Variants in EEPD1 observed in about 807,000 individuals in gnomAD.
The protein encoded by EEPD1 is endonuclease/exonuclease/phosphatase family domain containing 1.
EEPD1 carries 17 observed loss-of-function variants against 46.3 expected under a neutral mutation model. The observed-to-expected ratio is 0.37, with a 90% confidence interval of 0.25 to 0.55. The LOEUF is 0.55. Ranked by LOEUF, EEPD1 falls within the 20% of genes least tolerant of loss-of-function variation. The pLI, the probability that EEPD1 is intolerant of heterozygous loss-of-function variation, is 0.83. For synonymous variants in EEPD1, 313 were observed against 315.6 expected (o/e 0.99, Z 0.09); for missense variants, 673 against 745.6 (o/e 0.90, Z 1.13).
chr7:36,168,148 C>T (rs908309002), intron 2 of EEPD1, among the ~76,000 whole-genome samples: 5 of 152,228 alleles, frequency 3.3e-5, no homozygotes, highest in Admixed American at 3.3e-4. Flanking sequence ...AGGGCAGGAG[C>T]CATGCACATA....
At chr7:36,188,734 T>G (rs1276652855) in intron 2 of EEPD1, among the ~76,000 whole-genome samples, 1 of 152,208 alleles carries the variant, frequency 6.6e-6, no homozygotes, top group Non-Finnish European at 1.5e-5. Flanking sequence ...CCTAGTCATC[T>G]GCTGAAATGG....
chr7:36,289,411 A>G (rs1318647257), intron 6 of EEPD1, among the ~76,000 whole-genome samples: 2 of 152,186 alleles, frequency 1.3e-5, no homozygotes, highest in Admixed American at 1.3e-4. Context: ...GGTGCCCCAA[A>G]TAAGTAGAAT....
intron 2 of EEPD1, chr7:36,228,593 A>G (rs1430211255): frequency 3.9e-5 from 6 of 152,134 alleles, no homozygotes; most frequent in Non-Finnish European, 8.8e-5. Context: ...GGAAAAAGTT[A>G]TTCTGCAGAC....
At chr7:36,223,020 G>A (rs556421628) in intron 2 of EEPD1, among the ~76,000 whole-genome samples, 8 of 151,980 alleles carry the variant, frequency 5.3e-5, no homozygotes, top group Middle Eastern at 6.9e-3. Context: ...GCGTGGTGGC[G>A]GGTGCCTGTA....
At chr7:36,216,498 G>A (rs1786032042) in intron 2 of EEPD1, among the ~76,000 whole-genome samples, 1 of 152,210 alleles carries the variant, frequency 6.6e-6, no homozygotes. Context: ...TAGTGGAATT[G>A]TAAATCTGCA....
chr7:36,156,620 G>T (rs987023591), intron 2 of EEPD1, among the ~76,000 whole-genome samples: 4 of 152,176 alleles, frequency 2.6e-5, no homozygotes, highest in Non-Finnish European at 4.4e-5. Flanking sequence ...TGGGAGGGGG[G>T]TGATGGATTA....
intron 3 of EEPD1, 91 bp downstream of exon 3, chr7:36,239,127 C>A: frequency 7.9e-7 from 1 of 1,266,224 alleles, no homozygotes; most frequent in Non-Finnish European, 1.1e-6. Flanking sequence ...CAGAGACAGC[C>A]CCTACTGAAA....
chr7:36,236,431 C>T (rs1262554408), intron 2 of EEPD1, among the ~76,000 whole-genome samples: 3 of 152,246 alleles, frequency 2.0e-5, no homozygotes, highest in African/African-American at 7.2e-5. Flanking sequence ...GACCGCCGTT[C>T]CCTCTTCGCG....
chr7:36,299,246 G>C lies in EEPD1; in HGVS notation c.*40G>C. The C allele has an allele frequency of 6.3e-7, 1 of 1,596,464 alleles. No homozygotes were observed. The highest frequency in any genetic ancestry group is 8.5e-7 in the Non-Finnish European group (1 of 1,170,946). On this transcript the variant is annotated 3_prime_UTR_variant, in exon 8 of 8. Transcript: ENST00000242108. ...TGTGTCCACCCTGGGACCCAGGAGG[G>C]CACAGCCAAGGAATGAGCCCTGTGG...
chr7:36,258,124 G>A (rs192421428), intron 3 of EEPD1, among the ~76,000 whole-genome samples: 4 of 152,254 alleles, frequency 2.6e-5, no homozygotes, highest in East Asian at 1.9e-4. Flanking sequence ...GGTCCACTCC[G>A]GACCCCGTTT....
In EEPD1 at chr7:36,187,382, C is replaced by G. The variant is rs181038199; in HGVS notation, c.878+32180C>G. On this transcript the variant is annotated intron_variant, in intron 2 of 7. Coordinates refer to ENST00000242108, the MANE Select transcript of EEPD1 (RefSeq NM_030636.3). ...CATCTTTTCAAACTGAAACTGTGCC[C>G]CCATTAAACACTAACTTCCCATTCC... is the stretch of plus-strand genomic sequence containing the variant. Among the ~76,000 whole-genome samples, 6 of 152,236 alleles carry G rather than the reference C, an allele frequency of 3.9e-5. No homozygotes were observed. In the East Asian group the frequency reaches 1.2e-3, roughly 29 times the overall value.
At chr7:36,217,521 C>T (rs1306436334) in intron 2 of EEPD1, among the ~76,000 whole-genome samples, 7 of 152,172 alleles carry the variant, frequency 4.6e-5, no homozygotes, top group Admixed American at 4.6e-4. Flanking sequence ...GGGCAACCTC[C>T]TATCTTATCC....
chr7:36,157,074 T>C (rs1357659192), intron 2 of EEPD1, among the ~76,000 whole-genome samples: 1 of 152,204 alleles, frequency 6.6e-6, no homozygotes, highest in African/African-American at 2.4e-5. Context: ...AACATTTACA[T>C]TGTATTAGGC....
At chr7:36,257,039 T>A (rs1786837712) in intron 3 of EEPD1, among the ~76,000 whole-genome samples, 1 of 152,206 alleles carries the variant, frequency 6.6e-6, no homozygotes, top group African/African-American at 2.4e-5. Context: ...TCTCAGCATT[T>A]GCTTGTCTGT....
chr7:36,292,579 C>T (rs887929467), intron 6 of EEPD1, among the ~76,000 whole-genome samples: 4 of 151,980 alleles, frequency 2.6e-5, no homozygotes, highest in Admixed American at 2.0e-4. Context: ...GCCATGTTGG[C>T]TCACTGCAAC....
chr7:36,259,976 A>G (rs894677054), intron 3 of EEPD1, among the ~76,000 whole-genome samples: 2 of 152,184 alleles, frequency 1.3e-5, no homozygotes, highest in African/African-American at 4.8e-5. Context: ...ACTCCAATAC[A>G]TCTCTAATCC....
intron 3 of EEPD1, among the ~76,000 whole-genome samples, chr7:36,241,800 A>G (rs1316023199): frequency 1.3e-5 from 2 of 151,848 alleles, no homozygotes; most frequent in Non-Finnish European, 1.5e-5. Context: ...TCTGGGAGGC[A>G]GAGGTTGTGG....
intron 4 of EEPD1, among the ~76,000 whole-genome samples, chr7:36,284,254 A>T (rs574634146): frequency 6.6e-6 from 1 of 152,152 alleles, no homozygotes; most frequent in Non-Finnish European, 1.5e-5. Context: ...AGCAAAACCC[A>T]TCCCTTGGAG....
chr7:36,265,315 A>C (rs1786996904), intron 3 of EEPD1, among the ~76,000 whole-genome samples: 1 of 145,484 alleles, frequency 6.9e-6, no homozygotes, highest in Admixed American at 6.8e-5. Flanking sequence ...TTACAGACAG[A>C]GTGACAATTC....
Sources: allele counts gnomAD v4.1 joint callset (sites outside exome capture counted in the v4.1 genomes callset), GRCh38; gene constraint gnomAD v4.1.1; transcripts MANE v1.5; gene names NCBI Gene and HGNC (gene_info 2026-07-23, HGNC 2026-07-21).